The following GPC5 variants were observed in gnomAD, a reference collection of about 807,000 sequenced individuals.
GPC5 encodes glypican 5.
In GPC5, 47 loss-of-function variants were observed where a neutral mutation model predicts 53.9. The observed-to-expected ratio is 0.87, with a 90% CI of 0.69 to 1.11. The LOEUF is 1.11. GPC5 is among the 50% of genes most tolerant of loss of function. The probability of loss-of-function intolerance (pLI) is 0.00; values close to 1 mark genes in which losing one functional copy is unlikely to be tolerated. For synonymous variants in GPC5, 286 were observed against 263.3 expected (o/e 1.09, Z -0.84); for missense variants, 748 against 713.1 (o/e 1.05, Z -0.56).
At chr13:91,626,396 A>G (rs941835126) in intron 2 of GPC5, among the ~76,000 whole-genome samples, 3 of 152,162 alleles carry the variant, frequency 2.0e-5, no homozygotes, top group African/African-American at 7.2e-5. Flanking sequence ...AATTTCTCTG[A>G]ATCTCAGTTT....
chr13:92,311,985 T>C (rs537651820), intron 7 of GPC5, among the ~76,000 whole-genome samples: 2 of 152,226 alleles, frequency 1.3e-5, no homozygotes, highest in East Asian at 3.9e-4. Context: ...AATTTAGAGG[T>C]AGCAAAGCTG....
At chr13:91,638,827 C>T (rs1168122114) in intron 2 of GPC5, among the ~76,000 whole-genome samples, 2 of 152,124 alleles carry the variant, frequency 1.3e-5, no homozygotes, top group Non-Finnish European at 2.9e-5. Context: ...CCTCAATGTC[C>T]TATTTTCTAA....
chr13:92,761,741 A>C (rs1023020661), intron 7 of GPC5, among the ~76,000 whole-genome samples: 18 of 152,192 alleles, frequency 1.2e-4, no homozygotes, highest in African/African-American at 4.1e-4. Context: ...ATAAGGGCTT[A>C]CTACTGGCAT....
chr13:92,108,835 A>G (rs1594766433), intron 6 of GPC5, among the ~76,000 whole-genome samples: 1 of 152,060 alleles, frequency 6.6e-6, no homozygotes, highest in Admixed American at 6.6e-5. Flanking sequence ...CCACTTCTAG[A>G]CCTGCCAAGA....
chr13:91,563,143 A>C (rs535378208), intron 2 of GPC5, among the ~76,000 whole-genome samples: 1 of 152,270 alleles, frequency 6.6e-6, no homozygotes, highest in Non-Finnish European at 1.5e-5. Context: ...TGTGCTAAAA[A>C]TCGCAAGTAA....
chr13:92,845,384 C>T (rs1245967795), intron 7 of GPC5, among the ~76,000 whole-genome samples: 1 of 152,084 alleles, frequency 6.6e-6, no homozygotes, highest in Non-Finnish European at 1.5e-5. Flanking sequence ...AACCAGGAGG[C>T]CTGAGAACTA....
At chr13:92,444,100 A>G (rs1877693984) in intron 7 of GPC5, among the ~76,000 whole-genome samples, 1 of 152,166 alleles carries the variant, frequency 6.6e-6, no homozygotes, top group Non-Finnish European at 1.5e-5. Flanking sequence ...ACTCTGTAGG[A>G]AAGGAAATGA....
intron 2 of GPC5, among the ~76,000 whole-genome samples, chr13:91,675,165 A>AC (rs11383095): frequency 0.22 from 33,669 of 151,752 alleles, 5,034 homozygotes; most frequent in African/African-American, 0.43. Context: ...CTCAGGGGAA[A>AC]AAAAAACCTA....
chr13:92,572,669 A>G (rs1231586582), intron 7 of GPC5, among the ~76,000 whole-genome samples: 1 of 152,192 alleles, frequency 6.6e-6, no homozygotes, highest in African/African-American at 2.4e-5. Flanking sequence ...ATGAAAAAGA[A>G]TTCTTTTTTA....
At chr13:92,281,332 C>A (rs562470222) in intron 7 of GPC5, among the ~76,000 whole-genome samples, 1 of 152,296 alleles carries the variant, frequency 6.6e-6, no homozygotes, top group East Asian at 1.9e-4. Context: ...CAGGGCATAG[C>A]AGAACAAAAG....
chr13:92,212,600 T>TG (rs1307309731), intron 7 of GPC5, among the ~76,000 whole-genome samples: 3 of 152,196 alleles, frequency 2.0e-5, no homozygotes, highest in Non-Finnish European at 4.4e-5. Context: ...TTTGGAGATG[T>TG]GGGGGACCCT....
chr13:91,990,854 A>G (rs555197748), intron 6 of GPC5, among the ~76,000 whole-genome samples: 2 of 152,346 alleles, frequency 1.3e-5, no homozygotes, highest in South Asian at 4.1e-4. Context: ...TTGCAAATAA[A>G]TGCATGATTT....
chr13:92,427,459 C>T (rs1369359963), intron 7 of GPC5, among the ~76,000 whole-genome samples: 1 of 119,068 alleles, frequency 8.4e-6, no homozygotes, highest in Non-Finnish European at 1.7e-5. Flanking sequence ...TCTTAAATGG[C>T]TCTGCAGTGA....
chr13:91,776,219 G>T (rs1169902471), intron 5 of GPC5, among the ~76,000 whole-genome samples: 1 of 152,118 alleles, frequency 6.6e-6, no homozygotes, highest in Non-Finnish European at 1.5e-5. Flanking sequence ...GCAGCAGCTT[G>T]GTGCCTCCCT....
chr13:91,552,933 C>G (rs2051830538), intron 2 of GPC5, among the ~76,000 whole-genome samples: 2 of 152,078 alleles, frequency 1.3e-5, no homozygotes, highest in Admixed American at 1.3e-4. Flanking sequence ...TTTACCATCT[C>G]CAAAACCAGA....
At chr13:91,483,814 T>C (rs546695733) in intron 2 of GPC5, among the ~76,000 whole-genome samples, 9 of 152,340 alleles carry the variant, frequency 5.9e-5, no homozygotes, top group African/African-American at 2.2e-4. Context: ...CAATGTTTTT[T>C]CTCATCAACA....
intron 5 of GPC5, among the ~76,000 whole-genome samples, chr13:91,865,366 T>A (rs1381059285): frequency 6.6e-6 from 1 of 152,088 alleles, no homozygotes; most frequent in African/African-American, 2.4e-5. Context: ...ATAAATACTA[T>A]GAATTAAAAA....
intron 7 of GPC5, among the ~76,000 whole-genome samples, chr13:92,381,140 A>G (rs1427088400): frequency 2.6e-5 from 4 of 152,202 alleles, no homozygotes; most frequent in African/African-American, 9.7e-5. Flanking sequence ...GCTAGTAAGG[A>G]AACATTCAAA....
intron 7 of GPC5, among the ~76,000 whole-genome samples, chr13:92,612,753 T>C (rs939682345): frequency 5.3e-5 from 8 of 152,162 alleles, no homozygotes; most frequent in Admixed American, 5.2e-4. Context: ...TTGCCTGTTC[T>C]GTGCCAGACA....
Sources: allele counts gnomAD v4.1 joint callset (sites outside exome capture counted in the v4.1 genomes callset), GRCh38; gene constraint gnomAD v4.1.1; transcripts MANE v1.5; gene names NCBI Gene and HGNC (gene_info 2026-07-23, HGNC 2026-07-21).